The following FHIT variants were observed in gnomAD, a reference collection of about 807,000 sequenced individuals.
The protein encoded by FHIT is fragile histidine triad diadenosine triphosphatase.
A neutral mutation model predicts 17.9 loss-of-function variants in FHIT; 19 were observed. The observed-to-expected ratio is 1.06, with a 90% CI of 0.74 to 1.56. FHIT has a LOEUF of 1.56. FHIT is among the 40% of genes most tolerant of loss of function. The pLI is 0.00. For missense variants in FHIT, 248 were observed against 189.2 expected, an observed-to-expected ratio of 1.31 and a Z score of -1.82; for synonymous variants, 81 against 69.7, an observed-to-expected ratio of 1.16 and a Z score of -0.81.
At chr3:60,095,215 G>A (rs1559626906) in intron 5 of FHIT, among the ~76,000 whole-genome samples, 1 of 152,124 alleles carries the variant, frequency 6.6e-6, no homozygotes, top group Non-Finnish European at 1.5e-5. Context: ...TTACCTCGGA[G>A]GCAAAACTTC....
At chr3:60,009,958 C>T (rs1209034905) in intron 7 of FHIT, among the ~76,000 whole-genome samples, 1 of 152,150 alleles carries the variant, frequency 6.6e-6, no homozygotes. Context: ...TTACTATGCA[C>T]CTATTATCAT....
chr3:60,034,127 T>G (rs1040100737), intron 5 of FHIT, among the ~76,000 whole-genome samples: 4 of 152,228 alleles, frequency 2.6e-5, no homozygotes, highest in Admixed American at 6.5e-5. Flanking sequence ...TTTCATAAGG[T>G]AGGTACTCTA....
chr3:59,868,047 TAAAAAAAAAA>T (rs1553701048), intron 8 of FHIT, among the ~76,000 whole-genome samples: 6 of 111,346 alleles, frequency 5.4e-5, no homozygotes, highest in Non-Finnish European at 1.1e-4. Context: ...TTTTTTTTTT[TAAAAAAAAAA>T]AAAAAAAAAC....
intron 3 of FHIT, among the ~76,000 whole-genome samples, chr3:60,890,144 G>A (rs189926346): frequency 6.9e-6 from 1 of 145,750 alleles, no homozygotes; most frequent in African/African-American, 2.6e-5. Context: ...ATGTCACAGT[G>A]TTCTACTTCC....
intron 5 of FHIT, among the ~76,000 whole-genome samples, chr3:60,533,898 ATAGGC>A (rs1220166410): frequency 1.3e-5 from 2 of 152,354 alleles, no homozygotes; most frequent in African/African-American, 4.8e-5. Context: ...AGATAAAGTT[ATAGGC>A]TACATTGGAA....
chr3:60,978,345 T>A (rs1411698822), intron 3 of FHIT, among the ~76,000 whole-genome samples: 1 of 152,166 alleles, frequency 6.6e-6, no homozygotes, highest in Non-Finnish European at 1.5e-5. Flanking sequence ...AAAATGCCGT[T>A]TCCGATTATG....
intron 1 of FHIT, among the ~76,000 whole-genome samples, chr3:61,204,105 ATAT>A (rs1472102627): frequency 6.6e-6 from 1 of 152,256 alleles, no homozygotes; most frequent in Admixed American, 6.5e-5. Context: ...AAAGCTATAC[ATAT>A]TATTCTATTT....
intron 2 of FHIT, among the ~76,000 whole-genome samples, chr3:61,052,723 C>T (rs192345749): frequency 6.6e-6 from 1 of 152,118 alleles, no homozygotes; most frequent in Non-Finnish European, 1.5e-5. Context: ...CAAGGACCAC[C>T]CTTTGAGTAG....
chr3:60,960,697 G>T (rs1315879350), intron 3 of FHIT, among the ~76,000 whole-genome samples: 1 of 152,138 alleles, frequency 6.6e-6, no homozygotes, highest in Non-Finnish European at 1.5e-5. Context: ...TTGGTTTTCT[G>T]TCCTTGCAAT....
intron 8 of FHIT, among the ~76,000 whole-genome samples, chr3:59,892,511 C>G (rs1703898286): frequency 6.6e-6 from 1 of 152,116 alleles, no homozygotes; most frequent in African/African-American, 2.4e-5. Context: ...TGATCACTTT[C>G]CTGAGGCTTA....
At chr3:60,547,506 G>C (rs2036406747) in intron 4 of FHIT, among the ~76,000 whole-genome samples, 1 of 151,758 alleles carries the variant, frequency 6.6e-6, no homozygotes, top group Non-Finnish European at 1.5e-5. Flanking sequence ...TATTTTTTTG[G>C]TGAAAACTTC....
intron 3 of FHIT, among the ~76,000 whole-genome samples, chr3:60,869,462 G>A (rs1268475377): frequency 6.6e-6 from 1 of 152,134 alleles, no homozygotes; most frequent in Non-Finnish European, 1.5e-5. Flanking sequence ...TTCTCATAGG[G>A]AAATATGGTT....
chr3:60,425,832 C>T (rs886782089), intron 5 of FHIT, among the ~76,000 whole-genome samples: 8 of 151,740 alleles, frequency 5.3e-5, no homozygotes. Flanking sequence ...TGATAGGATC[C>T]CAGCTTAAAT....
intron 5 of FHIT, among the ~76,000 whole-genome samples, chr3:60,350,677 T>C (rs771003949): frequency 3.4e-4 from 52 of 152,210 alleles, no homozygotes; most frequent in Admixed American, 6.5e-4. Flanking sequence ...CTATGGAATA[T>C]TGCCACTCCA....
chr3:60,697,332 A>G (rs2041136955), intron 4 of FHIT, among the ~76,000 whole-genome samples: 2 of 152,314 alleles, frequency 1.3e-5, no homozygotes, highest in African/African-American at 4.8e-5. Context: ...GATGCTAGAA[A>G]TACAATGTAT....
At chr3:60,483,513 G>A (rs978528675) in intron 5 of FHIT, among the ~76,000 whole-genome samples, 2 of 152,134 alleles carry the variant, frequency 1.3e-5, no homozygotes, top group East Asian at 1.9e-4. Flanking sequence ...GGGATTCAAT[G>A]GTGGTTCAAC....
chr3:60,082,517 T>G (rs1703333008), intron 5 of FHIT, among the ~76,000 whole-genome samples: 2 of 152,116 alleles, frequency 1.3e-5, no homozygotes, highest in African/African-American at 4.8e-5. Flanking sequence ...GGTTGAACAG[T>G]AGCTCTGTTT....
At chr3:59,936,882 G>C (rs545243339) in intron 7 of FHIT, among the ~76,000 whole-genome samples, 6 of 152,230 alleles carry the variant, frequency 3.9e-5, no homozygotes, top group Admixed American at 1.3e-4. Context: ...AACCTGGAGA[G>C]GTCAGCCATG....
intron 5 of FHIT, among the ~76,000 whole-genome samples, chr3:60,362,634 A>C (rs953348499): frequency 2.6e-5 from 4 of 152,218 alleles, no homozygotes; most frequent in Non-Finnish European, 5.9e-5. Flanking sequence ...TATCATGTAC[A>C]TGAGATACAT....
Sources: gnomAD v4.1 joint callset for allele counts (sites outside exome capture counted in the v4.1 genomes callset) on GRCh38, gnomAD v4.1.1 for gene constraint, MANE v1.5 for transcripts, NCBI Gene and HGNC (gene_info 2026-07-23, HGNC 2026-07-21) for gene names.